SHROOM4: variants seen among roughly 807,000 people sequenced by gnomAD.
The protein encoded by SHROOM4 is protein Shroom4.
In SHROOM4, 17 loss-of-function variants were observed where a neutral mutation model predicts 80.3. The ratio of observed to expected loss-of-function variants is 0.21; its 90% confidence interval spans 0.14 to 0.32. SHROOM4 has a LOEUF of 0.32. SHROOM4 is among the 10% of genes least tolerant of loss of function. The pLI is 1.00. For missense variants in SHROOM4, 993 were observed against 1,140.3 expected (o/e 0.87, Z 1.86); for synonymous variants, 400 against 437.5 (o/e 0.91, Z 1.07).
chrX:50,770,692 T>C (rs1935377407), intron 1 of SHROOM4, among the ~76,000 whole-genome samples: 1 of 111,961 alleles, frequency 8.9e-6, no homozygotes, highest in Non-Finnish European at 1.9e-5. Context: ...TTGAAAACAT[T>C]CCTGCAAGGA....
chrX:50,697,975 A>G (rs1313218372), intron 1 of SHROOM4, among the ~76,000 whole-genome samples: 1 of 112,057 alleles, frequency 8.9e-6, no homozygotes, highest in Non-Finnish European at 1.9e-5. Flanking sequence ...AAGTCTAACT[A>G]ATGAATGCTA....
At chrX:50,705,084 A>G (rs148498249) in intron 1 of SHROOM4, among the ~76,000 whole-genome samples, 80 of 111,981 alleles carry the variant, frequency 7.1e-4, no homozygotes, top group African/African-American at 2.6e-3. Context: ...TTTATATTAA[A>G]TCAGCACACT....
At chrX:50,610,922 G>T (rs1929941646) in intron 5 of SHROOM4, among the ~76,000 whole-genome samples, 1 of 111,054 alleles carries the variant, frequency 9.0e-6, no homozygotes, top group African/African-American at 3.3e-5. Flanking sequence ...CAAAATATGA[G>T]ACTGTTTCAG....
intron 1 of SHROOM4, among the ~76,000 whole-genome samples, chrX:50,725,309 G>A (rs989570887): frequency 2.7e-5 from 3 of 111,963 alleles, no homozygotes; most frequent in Non-Finnish European, 3.8e-5. Context: ...CCCCCACCTC[G>A]CTCCACTCAT....
intron 2 of SHROOM4, among the ~76,000 whole-genome samples, chrX:50,676,343 C>T (rs1396830789): frequency 9.2e-6 from 1 of 108,816 alleles, no homozygotes; most frequent in African/African-American, 3.3e-5. Flanking sequence ...ATCACTTCTT[C>T]TTGTCTTACA....
intron 1 of SHROOM4, among the ~76,000 whole-genome samples, chrX:50,752,212 TAA>T (rs1175403615): frequency 1.8e-5 from 2 of 112,301 alleles, no homozygotes; most frequent in African/African-American, 6.5e-5. Flanking sequence ...AACAGAAGAC[TAA>T]GTCCTCTGGC....
At chrX:50,640,552 C>T (rs185837318) in intron 2 of SHROOM4, among the ~76,000 whole-genome samples, 2 of 111,446 alleles carry the variant, frequency 1.8e-5, no homozygotes, top group African/African-American at 6.5e-5. Flanking sequence ...CTGCCTTGTT[C>T]TACCTCCAGT....
rs1928995735 is a variant in SHROOM4, at chrX:50,594,107, T to G, written c.*2588A>C. ...CAGCAGAAGTTAAGACTGATAACTG[T>G]CTTTGGGGATCTCCCTTGGCCTGCC... On this transcript the variant is annotated 3_prime_UTR_variant, in exon 9 of 9. Transcript: ENST00000376020. 1 of 112,014 alleles carries G rather than the reference T, an allele frequency of 8.9e-6. No individual in the cohort carries two copies. Among genetic ancestry groups the G allele is most frequent in the Non-Finnish European group, 1.9e-5 (1 of 53,212 alleles). 9.2% of individuals were successfully genotyped at this position (112,014 alleles called of 1,213,427 possible).
At chrX:50,736,815 G>C (rs963459973) in intron 1 of SHROOM4, among the ~76,000 whole-genome samples, 1 of 112,038 alleles carries the variant, frequency 8.9e-6, no homozygotes, top group Non-Finnish European at 1.9e-5. Flanking sequence ...TTGAGGAATT[G>C]CCACACTGTC....
intron 1 of SHROOM4, among the ~76,000 whole-genome samples, chrX:50,765,039 C>T (rs1430385068): frequency 2.7e-5 from 3 of 111,374 alleles, no homozygotes; most frequent in Non-Finnish European, 3.8e-5. Flanking sequence ...TTCACTGTCA[C>T]GAGAACAGCA....
intron 1 of SHROOM4, among the ~76,000 whole-genome samples, chrX:50,701,438 G>A (rs1933515068): frequency 9.0e-6 from 1 of 111,285 alleles, no homozygotes; most frequent in Non-Finnish European, 1.9e-5. Context: ...TGCTCACTGG[G>A]GCTCTGTCAC....
chrX:50,771,541 C>A (rs1244870741), intron 1 of SHROOM4, among the ~76,000 whole-genome samples: 1 of 111,891 alleles, frequency 8.9e-6, no homozygotes, highest in African/African-American at 3.3e-5. Context: ...AAGCCTTCTG[C>A]CTTCTTCTAG....
chrX:50,813,863 A>T, intron 1 of SHROOM4, 39 bp downstream of exon 1: 1 of 1,063,391 alleles, frequency 9.4e-7, no homozygotes, highest in Non-Finnish European at 1.3e-6. Flanking sequence ...TGTCCATTCA[A>T]AGTTAGGCGC....
Position 50,748,082 on chromosome X carries a change from A to C in SHROOM4, c.118-52145T>G, listed in dbSNP as rs1030338806. Among the ~76,000 whole-genome samples the C allele has an allele frequency of 9.0e-5, 10 of 111,592 alleles. No homozygotes were observed. In the South Asian group the frequency reaches 3.8e-3, roughly 43 times the overall value. On this transcript the variant is annotated intron_variant, in intron 1 of 8. Coordinates refer to ENST00000376020, the MANE Select transcript of SHROOM4 (RefSeq NM_020717.5). ...TTATACTGATGAACTGAAAGAGGAG[A>C]CTCTCCTAGGATAGAGTAGGTCCCA...
chrX:50,782,321 T>C (rs1295146221), intron 1 of SHROOM4, among the ~76,000 whole-genome samples: 2 of 111,668 alleles, frequency 1.8e-5, no homozygotes, highest in Non-Finnish European at 3.8e-5. Context: ...TTTTTAAGGT[T>C]TGGATAAATT....
chrX:50,601,803 T>C (rs1929424610), intron 7 of SHROOM4, among the ~76,000 whole-genome samples: 1 of 112,006 alleles, frequency 8.9e-6, no homozygotes, highest in African/African-American at 3.2e-5. Flanking sequence ...TTATTTTACT[T>C]AGTCTCTTCT....
chrX:50,696,709 C>T (rs1933379554), intron 1 of SHROOM4, among the ~76,000 whole-genome samples: 3 of 112,263 alleles, frequency 2.7e-5, no homozygotes, highest in South Asian at 7.4e-4. Context: ...GTGTCTGACA[C>T]ACAGTGAGCA....
chrX:50,576,349 C>T, the SHROOM4 span, among the ~76,000 whole-genome samples: 1 of 111,382 alleles, frequency 9.0e-6, no homozygotes, highest in Non-Finnish European at 1.9e-5. Flanking sequence ...TAAATGCCTT[C>T]TGTTGCTGGG....
chrX:50,637,340 C>A (rs1333590072), intron 3 of SHROOM4, among the ~76,000 whole-genome samples: 2 of 112,006 alleles, frequency 1.8e-5, no homozygotes, highest in Non-Finnish European at 3.8e-5. Flanking sequence ...TCAGTCAGCT[C>A]ACTTGTTCTC....
Sources: allele counts gnomAD v4.1 joint callset (sites outside exome capture counted in the v4.1 genomes callset), GRCh38; gene constraint gnomAD v4.1.1; transcripts MANE v1.5; gene names NCBI Gene and HGNC (gene_info 2026-07-23, HGNC 2026-07-21).